Variants in PRDM2 observed in about 807,000 individuals in gnomAD.
The protein encoded by PRDM2 is PR domain zinc finger protein 2.
A neutral mutation model predicts 130.0 loss-of-function variants in PRDM2; 30 were observed. That is an observed-to-expected ratio of 0.23 (90% CI 0.17 to 0.31). The LOEUF (loss-of-function observed/expected upper bound fraction) is 0.31, where lower values mean the gene tolerates loss of function less well. Ranked by LOEUF, PRDM2 falls within the 10% of genes least tolerant of loss-of-function variation. The probability of loss-of-function intolerance (pLI) is 1.00; values close to 1 mark genes in which losing one functional copy is unlikely to be tolerated. For synonymous variants in PRDM2, 871 were observed against 782.4 expected (o/e 1.11, Z -1.89); for missense variants, 2,011 against 2,108.4 (o/e 0.95, Z 0.90).
rs1644750814 is a variant in PRDM2 at position 13,786,767 on chromosome 1, A to G, written c.5036+3936A>G. 8 of 1,354,782 alleles carry G rather than the reference A, an allele frequency of 5.9e-6. No homozygotes were observed. In the East Asian group the frequency reaches 2.0e-4, roughly 34 times the overall value. 83.9% of individuals were successfully genotyped at this position (1,354,782 alleles called of 1,614,324 possible). A position where few individuals can be genotyped will look rare whatever the true frequency, so the allele number is the denominator to read the frequency against. ...GTGATTGAGATCCAAAGAGAAGGGCACTGTAAGACAGGCCAGATGAACTGG... is the reference window on the plus strand; with the variant it reads ...GTGATTGAGATCCAAAGAGAAGGGCGCTGTAAGACAGGCCAGATGAACTGG... On this transcript the variant is annotated intron_variant, in intron 8 of 9. Coordinates refer to ENST00000311066, the MANE Select transcript of PRDM2 (RefSeq NM_001393986.1).
intron 6 of PRDM2, among the ~76,000 whole-genome samples, chr1:13,757,479 G>A (rs1643984971): frequency 6.6e-6 from 1 of 152,228 alleles, no homozygotes; most frequent in Admixed American, 6.5e-5. Context: ...TTGATGAGAA[G>A]CTTTAGCTGT....
chr1:13,778,493 A>G lies in PRDM2; in HGVS notation c.698A>G (p.Gln233Arg). ...QPATLQEVAS[Q>R]EVPPELATPA... ...GCCACCCTCCAGGAGGTGGCCAGTC[A>G]GGAGGTGCCTCCAGAACTAGCAACC... Residue 233 changes from glutamine (Q) to arginine (R), a missense_variant, in exon 8 of 10, where the codon CAG (glutamine) becomes CGG (arginine). Coordinates refer to ENST00000311066, the MANE Select transcript of PRDM2 (RefSeq NM_001393986.1). 1 of 1,614,206 alleles carries G rather than the reference A, an allele frequency of 6.2e-7. No homozygotes were observed. The highest frequency in any genetic ancestry group is 1.1e-5 in the South Asian group (1 of 91,088).
chr1:13,805,358 G>T (rs1246113753), intron 8 of PRDM2, among the ~76,000 whole-genome samples: 2 of 152,122 alleles, frequency 1.3e-5, no homozygotes, highest in Non-Finnish European at 2.9e-5. Context: ...TCCTCCTTTG[G>T]GTTCCTGCCC....
intron 2 of PRDM2, among the ~76,000 whole-genome samples, chr1:13,723,007 T>C (rs986499283): frequency 1.3e-5 from 2 of 152,188 alleles, no homozygotes; most frequent in Non-Finnish European, 2.9e-5. Context: ...TCCAGCTCTT[T>C]GCCCTGCCTT....
intron 7 of PRDM2, among the ~76,000 whole-genome samples, chr1:13,777,138 T>C (rs1644492663): frequency 6.6e-6 from 1 of 152,162 alleles, no homozygotes; most frequent in Non-Finnish European, 1.5e-5. Context: ...TAGCCAGGAT[T>C]ATTGCAGTTG....
At position 13,824,140 on chromosome 1, in the gene PRDM2, G is replaced by C. The variant is rs1645397910; in HGVS notation, c.*1005G>C. 1.3e-5 allele frequency: 2 copies of C among 152,708 alleles called. No homozygotes were observed. The highest frequency in any genetic ancestry group is 6.5e-5 in the Admixed American group (1 of 15,288). 9.5% of individuals were successfully genotyped at this position (152,708 alleles called of 1,614,324 possible). A position where few individuals can be genotyped will look rare whatever the true frequency, so the allele number is the denominator to read the frequency against. On this transcript the variant is annotated 3_prime_UTR_variant, in exon 10 of 10. Coordinates refer to ENST00000311066, the MANE Select transcript of PRDM2 (RefSeq NM_001393986.1). ...GAGGACGGTCAGTCCATGTCTCGGA[G>C]AAACGGGTGAGCTGAGCTTGGCGTT...
intron 8 of PRDM2, among the ~76,000 whole-genome samples, chr1:13,791,956 G>A (rs1470546124): frequency 6.6e-6 from 1 of 152,136 alleles, no homozygotes; most frequent in African/African-American, 2.4e-5. Flanking sequence ...GCCTAAATGT[G>A]CCTTCCCATG....
In PRDM2 at chr1:13,728,910, CCATCTCCTGCTG is replaced by C. The variant is rs1420201966; in HGVS notation, c.10-2089_10-2078del. Reference sequence around the variant, plus strand: ...GGAGTGACCATTCCTGCCTTAAGCACCATCTCCTGCTGACATTTCCATGGAAATCTGGAAGTT... The same window carrying C: ...GGAGTGACCATTCCTGCCTTAAGCACACATTTCCATGGAAATCTGGAAGTT... On this transcript the variant is annotated intron_variant, in intron 2 of 9. Transcript: ENST00000311066. Among the ~76,000 whole-genome samples, 134 of 152,210 alleles carry C rather than the reference CCATCTCCTGCTG, an allele frequency of 8.8e-4. 3 individuals carry two copies. The Middle Eastern group carries it at 0.024, about 27-fold the overall frequency.
At chr1:13,786,389 C>G in intron 8 of PRDM2, 3 of 1,305,554 alleles carry the variant, frequency 2.3e-6, no homozygotes, top group Non-Finnish European at 3.2e-6. Flanking sequence ...TAAATGCCTT[C>G]AGTCATGTAT....
At position 13,824,657 on chromosome 1, in the gene PRDM2, C is replaced by T. The variant is rs978041020; in HGVS notation, c.*1522C>T. On this transcript the variant is annotated 3_prime_UTR_variant, in exon 10 of 10. Transcript: ENST00000311066. ...TAAACTGGAATCCTTTCACCCGCTC[C>T]TACAGCTAACCCTCACAAGCATGAA... 1.1e-4 allele frequency: 16 copies of T among 152,222 alleles called. No individual in the cohort carries two copies. The highest frequency in any genetic ancestry group is 3.6e-4 in the African/African-American group (15 of 41,456). 9.4% of individuals were successfully genotyped at this position (152,222 alleles called of 1,614,324 possible). A position where few individuals can be genotyped will look rare whatever the true frequency, so the allele number is the denominator to read the frequency against.
Position 13,817,732 on chromosome 1 carries a change from G to A in PRDM2, c.*23+1162G>A, listed in dbSNP as rs146321591. On this transcript the variant is annotated intron_variant, in intron 9 of 9. Transcript: ENST00000311066. ...ATCCCGAGTTCAGCCGGGCGCGGTCGCTCACACCTGTAATCCCAGCACTTT... is the reference window on the plus strand; with the variant it reads ...ATCCCGAGTTCAGCCGGGCGCGGTCACTCACACCTGTAATCCCAGCACTTT... 7.9e-5 allele frequency among the ~76,000 whole-genome samples: 12 copies of A among 152,084 alleles called. No individual in the cohort carries two copies. The East Asian group carries it at 2.3e-3, about 29-fold the overall frequency.
chr1:13,735,804 A>G (rs376671190), intron 4 of PRDM2, among the ~76,000 whole-genome samples: 8 of 152,222 alleles, frequency 5.3e-5, no homozygotes, highest in Non-Finnish European at 1.0e-4. Flanking sequence ...ATTTAAAATT[A>G]ATACATGCTC....
In PRDM2 at chr1:13,781,150, G is replaced by A. The variant is rs140444156; in HGVS notation, c.3355G>A (p.Ala1119Thr). The change falls in exon 8 of 10, where the codon GCT becomes ACT. Residue 1119 changes from alanine (A) to threonine (T), a missense_variant. Around this residue, in one of 5 missense-constraint regions of PRDM2, gnomAD observed 229 missense variants for 364.1 expected, o/e 0.63. Transcript: ENST00000311066. This position sits in a 1 kb window ranked among gnomAD's most constrained non-coding sequence, Gnocchi z 6.1. ...GAAACCCAGGGAAGAGCCCCAGTCT[G>A]CTGCTGAACAGGATGTTGTTGTTCA... ...GLKPREEPQS[A>T]AEQDVVVQET... 13 of 1,614,166 alleles carry A rather than the reference G, an allele frequency of 8.1e-6. 1 individual carries two copies. The South Asian group carries it at 1.4e-4, about 18-fold the overall frequency.
chr1:13,772,835 A>T (rs1164754426), intron 6 of PRDM2, among the ~76,000 whole-genome samples: 1 of 152,176 alleles, frequency 6.6e-6, no homozygotes, highest in Non-Finnish European at 1.5e-5. Flanking sequence ...GATTCTCAAA[A>T]ATGCAAGATT....
chr1:13,765,130 C>G (rs1358799686), intron 6 of PRDM2, among the ~76,000 whole-genome samples: 1 of 152,222 alleles, frequency 6.6e-6, no homozygotes, highest in Admixed American at 6.5e-5. Context: ...CCACACCCAC[C>G]CCGCTGCAAA....
At chr1:13,798,925 CTG>C (rs888535253) in intron 8 of PRDM2, among the ~76,000 whole-genome samples, 2 of 152,204 alleles carry the variant, frequency 1.3e-5, no homozygotes, top group African/African-American at 2.4e-5. Flanking sequence ...TTTGAATGGG[CTG>C]TGTTAACAAA....
chr1:13,777,542 T>C (rs1203680), intron 7 of PRDM2, among the ~76,000 whole-genome samples: 47,696 of 141,306 alleles, frequency 0.34, 8,683 homozygotes, highest in Admixed American at 0.48. Context: ...ACCTCACTGA[T>C]GTCTTTGCTG....
intron 2 of PRDM2, among the ~76,000 whole-genome samples, chr1:13,716,757 T>A (rs1475748119): frequency 6.6e-6 from 1 of 152,226 alleles, no homozygotes; most frequent in Non-Finnish European, 1.5e-5. Flanking sequence ...ATCTCTCTTG[T>A]AGTTACAGAA....
intron 6 of PRDM2, among the ~76,000 whole-genome samples, chr1:13,767,461 T>C (rs549586408): frequency 6.7e-6 from 1 of 150,102 alleles, no homozygotes; most frequent in African/African-American, 2.5e-5. Flanking sequence ...ACAGCTAATT[T>C]TTTCTATTTT....
Sources: allele counts gnomAD v4.1 joint callset (sites outside exome capture counted in the v4.1 genomes callset), GRCh38; gene constraint gnomAD v4.1.1; regional missense constraint gnomAD v4.1.1; non-coding constraint Gnocchi (gnomAD v3.1); transcripts MANE v1.5; gene names NCBI Gene and HGNC (gene_info 2026-07-23, HGNC 2026-07-21).